The following EDEM2 variants were observed in gnomAD, a reference collection of about 807,000 sequenced individuals.
EDEM2 encodes the protein ER degradation enhancing alpha-mannosidase like protein 2, also known as ER degradation-enhancing alpha-mannosidase-like protein 2.
In EDEM2, 39 loss-of-function variants were observed where a neutral mutation model predicts 64.8. The observed-to-expected ratio is 0.60, with a 90% CI of 0.47 to 0.79. The LOEUF is 0.79. EDEM2 is among the 30% of genes least tolerant of loss of function. EDEM2 has a pLI of 0.00. For synonymous variants in EDEM2, 296 were observed against 291.5 expected (o/e 1.02, Z -0.16); for missense variants, 609 against 731.3 (o/e 0.83, Z 1.93).
Position 35,118,728 on chromosome 20 carries a change from T to C in EDEM2, c.1115-9A>G, listed in dbSNP as rs754588806. 15 of 1,611,784 alleles carry C rather than the reference T, an allele frequency of 9.3e-6. 1 individual carries two copies. The South Asian group carries it at 1.5e-4, about 17-fold the overall frequency. ...TGCGCTTTCAATAAGTTCTGCAAAG[T>C]CCAAAGCAGACCCTCCTCACTCAGT... On this transcript the variant is annotated splice_polypyrimidine_tract_variant and intron_variant, in intron 9 of 10. Coordinates refer to ENST00000374492, the MANE Select transcript of EDEM2 (RefSeq NM_018217.3).
intron 7 of EDEM2, among the ~76,000 whole-genome samples, chr20:35,127,162 G>A (rs556479843): frequency 1.3e-5 from 2 of 152,284 alleles, no homozygotes; most frequent in East Asian, 3.9e-4. Flanking sequence ...CATGTAAGAT[G>A]TGCCTTTCGC....
At chr20:35,122,656 G>A (rs554725554) in intron 9 of EDEM2, among the ~76,000 whole-genome samples, 1 of 152,294 alleles carries the variant, frequency 6.6e-6, no homozygotes, top group African/African-American at 2.4e-5. Context: ...TTACAGGCGT[G>A]AGCCACCATG....
At chr20:35,133,471 T>C (rs968400809) in intron 6 of EDEM2, among the ~76,000 whole-genome samples, 4 of 147,072 alleles carry the variant, frequency 2.7e-5, no homozygotes, top group Non-Finnish European at 4.5e-5. Flanking sequence ...CGGGGCACCT[T>C]TTTTTTTTTT....
intron 6 of EDEM2, 99 bp downstream of exon 6, chr20:35,134,639 G>A: frequency 7.3e-7 from 1 of 1,377,738 alleles, no homozygotes; most frequent in Non-Finnish European, 1.0e-6. Flanking sequence ...CCACTCCCAA[G>A]GTCACCCTAA....
chr20:35,140,469 C>T (rs1484903601), intron 4 of EDEM2, among the ~76,000 whole-genome samples: 1 of 152,120 alleles, frequency 6.6e-6, no homozygotes, highest in African/African-American at 2.4e-5. Context: ...CAGAGTGAGA[C>T]TCTATTTCAA....
chr20:35,130,947 G>C (rs2085497688), intron 7 of EDEM2, among the ~76,000 whole-genome samples: 1 of 152,166 alleles, frequency 6.6e-6, no homozygotes, highest in Admixed American at 6.6e-5. Context: ...TGTAACTGTT[G>C]ATGAGAGCTA....
At chr20:35,127,896 AC>A (rs1366380598) in intron 7 of EDEM2, among the ~76,000 whole-genome samples, 2 of 152,302 alleles carry the variant, frequency 1.3e-5, no homozygotes, top group African/African-American at 4.8e-5. Flanking sequence ...TAAAGATATC[AC>A]AGCTGTTGTA....
At chr20:35,124,067 C>A in intron 8 of EDEM2, 33 bp from the exon 9 acceptor site, 1 of 1,602,674 alleles carries the variant, frequency 6.2e-7, no homozygotes, top group Non-Finnish European at 8.5e-7. Flanking sequence ...GGCAGGTAGA[C>A]ACCAGGCATA....
rs897342912 is a variant in EDEM2, at chr20:35,128,432, G to A, written c.845-2057C>T. Among the ~76,000 whole-genome samples the A allele has an allele frequency of 4.7e-5, 7 of 149,380 alleles. 2 individuals carry two copies. Among genetic ancestry groups the A allele is most frequent in the African/African-American group, 1.8e-4 (7 of 39,746 alleles). On this transcript the variant is annotated intron_variant, in intron 7 of 10. Coordinates refer to ENST00000374492, the MANE Select transcript of EDEM2 (RefSeq NM_018217.3). ...AAATTAGCTGGGCGTAGTGGTGGGT[G>A]CCTATAATCCCAGCTGCTCAGGAGG... is the stretch of plus-strand genomic sequence containing the variant.
chr20:35,146,108 G>A (rs1234202628), intron 2 of EDEM2, among the ~76,000 whole-genome samples: 1 of 151,568 alleles, frequency 6.6e-6, no homozygotes, highest in African/African-American at 2.4e-5. Context: ...ATATATAATG[G>A]TATAAACCAA....
intron 4 of EDEM2, among the ~76,000 whole-genome samples, chr20:35,141,330 G>A (rs2085651254): frequency 6.6e-6 from 1 of 152,080 alleles, no homozygotes; most frequent in Non-Finnish European, 1.5e-5. Context: ...GATAGAAAAA[G>A]ATACATGGGA....
intron 6 of EDEM2, 45 bp from the exon 7 acceptor site, chr20:35,131,828 C>G: frequency 3.1e-6 from 5 of 1,596,144 alleles, no homozygotes; most frequent in Non-Finnish European, 4.3e-6. Context: ...AGGCCGATGG[C>G]CAAAGAAGGA....
chr20:35,125,485 T>G (rs372443761), intron 8 of EDEM2, among the ~76,000 whole-genome samples: 1 of 151,946 alleles, frequency 6.6e-6, no homozygotes, highest in Non-Finnish European at 1.5e-5. Flanking sequence ...CCCAGGTTCA[T>G]GCCATTCTCC....
chr20:35,143,761 G>C (rs1465480680), intron 3 of EDEM2, among the ~76,000 whole-genome samples: 1 of 152,142 alleles, frequency 6.6e-6, no homozygotes, highest in Non-Finnish European at 1.5e-5. Flanking sequence ...CTGTTACACA[G>C]GTTGGAGTGC....
chr20:35,139,045 G>A (rs924558239), intron 4 of EDEM2, among the ~76,000 whole-genome samples: 1 of 152,116 alleles, frequency 6.6e-6, no homozygotes, highest in Non-Finnish European at 1.5e-5. Flanking sequence ...TGCCCCAAGT[G>A]GAAGTCTGAT....
chr20:35,127,519 C>T (rs1180654445), intron 7 of EDEM2, among the ~76,000 whole-genome samples: 1 of 152,114 alleles, frequency 6.6e-6, no homozygotes, highest in African/African-American at 2.4e-5. Flanking sequence ...CAGAATCCCC[C>T]ACACTAGTAC....
At chr20:35,139,878 C>A (rs991188828) in intron 4 of EDEM2, among the ~76,000 whole-genome samples, 1 of 151,570 alleles carries the variant, frequency 6.6e-6, no homozygotes, top group African/African-American at 2.4e-5. Flanking sequence ...GAGAAGACAG[C>A]CAAAGTGAAA....
intron 5 of EDEM2, among the ~76,000 whole-genome samples, chr20:35,136,113 C>T (rs2085572542): frequency 1.3e-5 from 2 of 152,194 alleles, no homozygotes; most frequent in Non-Finnish European, 2.9e-5. Flanking sequence ...GTGTCTGCCA[C>T]AGACAAGAAA....
rs755407638 is a variant in EDEM2 at position 35,126,361 on chromosome 20, T to G, written c.859A>C (p.Ile287Leu). The change falls in exon 8 of 11, where the codon ATC (isoleucine) becomes CTC (leucine). Residue 287 changes from isoleucine to leucine, a missense_variant. Coordinates refer to ENST00000374492, the MANE Select transcript of EDEM2 (RefSeq NM_018217.3). Reference sequence around the variant, plus strand: ...TCATCGAAGCGGGTGTAGTTCCGGATGGCTTTGTTATACTCTGCAGTGGGG... The same window carrying G: ...TCATCGAAGCGGGTGTAGTTCCGGAGGGCTTTGTTATACTCTGCAGTGGGG... Reference protein sequence around the residue: ...MAMFLEYNKAIRNYTRFDDWY... With the variant: ...MAMFLEYNKALRNYTRFDDWY... 3.1e-6 allele frequency: 5 copies of G among 1,614,020 alleles called. No individual in the cohort carries two copies. Among genetic ancestry groups the G allele is most frequent in the African/African-American group, 1.3e-5 (1 of 75,034 alleles).
Sources: gnomAD v4.1 joint callset for allele counts (sites outside exome capture counted in the v4.1 genomes callset) on GRCh38, gnomAD v4.1.1 for gene constraint, MANE v1.5 for transcripts, NCBI Gene and HGNC (gene_info 2026-07-23, HGNC 2026-07-21) for gene names.